Variants in LRFN2 observed in about 807,000 individuals in gnomAD.
LRFN2 encodes leucine-rich repeat and fibronectin type-III domain-containing protein 2.
A neutral mutation model predicts 37.3 loss-of-function variants in LRFN2; 18 were observed. The observed-to-expected ratio is 0.48, with a 90% confidence interval of 0.33 to 0.72. The LOEUF (loss-of-function observed/expected upper bound fraction) is 0.72. Among genes scored for constraint, LRFN2 ranks in the 30% least tolerant of loss-of-function variants. LRFN2 has a pLI of 0.02. For synonymous variants in LRFN2, 556 were observed against 466.6 expected (o/e 1.19, Z -2.47); for missense variants, 1,006 against 1,060.7 (o/e 0.95, Z 0.72).
chr6:40,396,275 C>G (rs1471873853), intron 2 of LRFN2, among the ~76,000 whole-genome samples: 1 of 152,014 alleles, frequency 6.6e-6, no homozygotes, highest in African/African-American at 2.4e-5. Flanking sequence ...GGAGGCCCAG[C>G]TAGTAAGTTG....
intron 1 of LRFN2, among the ~76,000 whole-genome samples, chr6:40,546,304 T>G (rs1766659396): frequency 6.6e-6 from 1 of 152,182 alleles, no homozygotes; most frequent in Admixed American, 6.5e-5. Context: ...GTCTGGCATG[T>G]TCCAAAAGTT....
chr6:40,413,184 C>T (rs758278804), intron 2 of LRFN2, among the ~76,000 whole-genome samples: 1 of 152,350 alleles, frequency 6.6e-6, no homozygotes, highest in African/African-American at 2.4e-5. Context: ...TATTCATACT[C>T]TGATATTTCA....
chr6:40,456,999 G>T lies in LRFN2; in HGVS notation c.-18-23868C>A, dbSNP rs9471348. On this transcript the variant is annotated intron_variant, in intron 1 of 2. Transcript: ENST00000338305. ...ATCTTTCAGCTCAGTGAAGGATAGG[G>T]GTGGTCACCATCCAATCCCCTCCAA... 6.2e-3 allele frequency among the ~76,000 whole-genome samples: 939 copies of T among 152,080 alleles called. 13 individuals are homozygous for T. Among genetic ancestry groups the T allele is most frequent in the African/African-American group, 0.022 (900 of 41,492 alleles).
intron 1 of LRFN2, among the ~76,000 whole-genome samples, chr6:40,514,513 C>T (rs1208937869): frequency 6.6e-6 from 1 of 151,930 alleles, no homozygotes; most frequent in Admixed American, 6.6e-5. Context: ...CAGGGTTTTG[C>T]CATGTTGACC....
chr6:40,586,148 A>G (rs923491633), intron 1 of LRFN2, among the ~76,000 whole-genome samples: 1 of 152,180 alleles, frequency 6.6e-6, no homozygotes, highest in Non-Finnish European at 1.5e-5. Flanking sequence ...GAAGACGAGT[A>G]GGACACCTCC....
chr6:40,502,117 C>A (rs772311768), intron 1 of LRFN2: 4 of 152,180 alleles, frequency 2.6e-5, no homozygotes, highest in Non-Finnish European at 4.4e-5. Flanking sequence ...GTTTAGAGCA[C>A]CCTGTCTTTG....
intron 1 of LRFN2, among the ~76,000 whole-genome samples, chr6:40,475,669 T>A (rs1196111709): frequency 6.6e-6 from 1 of 152,188 alleles, no homozygotes; most frequent in Non-Finnish European, 1.5e-5. Flanking sequence ...CAGCTGCTTT[T>A]AAAGCAATTT....
intron 1 of LRFN2, among the ~76,000 whole-genome samples, chr6:40,579,421 T>C (rs1288814926): frequency 6.6e-6 from 1 of 152,156 alleles, no homozygotes; most frequent in Non-Finnish European, 1.5e-5. Context: ...GGTAAGATGG[T>C]AAGATGTCAG....
intron 1 of LRFN2, among the ~76,000 whole-genome samples, chr6:40,512,966 G>A (rs998519068): frequency 3.3e-5 from 5 of 152,198 alleles, no homozygotes; most frequent in Non-Finnish European, 7.3e-5. Context: ...GCTCAGCCAA[G>A]GTGAGCCATG....
At chr6:40,555,853 C>T (rs1399618686) in intron 1 of LRFN2, among the ~76,000 whole-genome samples, 5 of 152,140 alleles carry the variant, frequency 3.3e-5, no homozygotes, top group Non-Finnish European at 7.3e-5. Flanking sequence ...CTCCCCACAC[C>T]GCTCTCTGAC....
chr6:40,463,605 T>A (rs995371561), intron 1 of LRFN2, among the ~76,000 whole-genome samples: 1 of 151,892 alleles, frequency 6.6e-6, no homozygotes, highest in African/African-American at 2.4e-5. Context: ...AAGTGAGCAG[T>A]GATACTTACT....
intron 2 of LRFN2, among the ~76,000 whole-genome samples, chr6:40,417,116 G>C (rs1232441925): frequency 6.6e-6 from 1 of 152,194 alleles, no homozygotes; most frequent in Non-Finnish European, 1.5e-5. Context: ...AATCTTCAAA[G>C]CCTCCCTGTT....
At chr6:40,504,136 G>A (rs577200964) in intron 1 of LRFN2, among the ~76,000 whole-genome samples, 5 of 152,270 alleles carry the variant, frequency 3.3e-5, no homozygotes, top group East Asian at 3.9e-4. Context: ...GAAGAGACCC[G>A]CCCAGAACCA....
At chr6:40,499,240 T>C (rs1335796956) in intron 1 of LRFN2, among the ~76,000 whole-genome samples, 1 of 152,160 alleles carries the variant, frequency 6.6e-6, no homozygotes, top group Non-Finnish European at 1.5e-5. Context: ...ACTGCCTGCA[T>C]CCTGGAGCCC....
In LRFN2 at chr6:40,392,199, C is replaced by T. The variant is rs762597625; in HGVS notation, c.2114G>A (p.Arg705Gln). The T allele has an allele frequency of 1.4e-5, 22 of 1,575,662 alleles. No individual in the cohort carries two copies. The East Asian group carries it at 2.5e-4, about 18-fold the overall frequency. The change falls in exon 3 of 3, where the codon CGG becomes CAG. Residue 705 changes from arginine to glutamine, a missense_variant. Transcript: ENST00000338305. This position sits in a 1 kb window ranked among gnomAD's most constrained non-coding sequence, Gnocchi z 4.7. ...CGGCAAGGGGAGCAGGCTCCTGGCCCGGGCCGCAGGGGGCCCCAGCAGTGG... is the reference window on the plus strand; with the variant it reads ...CGGCAAGGGGAGCAGGCTCCTGGCCTGGGCCGCAGGGGGCCCCAGCAGTGG... ...REPLLGPPAARARSLLPLPLE... is the reference protein window; with the variant it reads ...REPLLGPPAAQARSLLPLPLE...
chr6:40,411,326 G>A (rs1028118103), intron 2 of LRFN2, among the ~76,000 whole-genome samples: 7 of 152,212 alleles, frequency 4.6e-5, no homozygotes, highest in African/African-American at 1.7e-4. Flanking sequence ...AGGAGTAGGG[G>A]GGCTGTGTGA....
chr6:40,494,334 G>A (rs1765170362), intron 1 of LRFN2, among the ~76,000 whole-genome samples: 1 of 152,168 alleles, frequency 6.6e-6, no homozygotes, highest in South Asian at 2.1e-4. Flanking sequence ...AGGCTGCTCA[G>A]GGCGGAGGTG....
At chr6:40,479,744 G>T (rs932895308) in intron 1 of LRFN2, among the ~76,000 whole-genome samples, 2 of 152,266 alleles carry the variant, frequency 1.3e-5, no homozygotes, top group Middle Eastern at 3.4e-3. Context: ...TGGCTCCCCT[G>T]TCGTCACCAC....
intron 1 of LRFN2, among the ~76,000 whole-genome samples, chr6:40,578,032 C>T (rs1000017873): frequency 1.3e-5 from 2 of 152,024 alleles, no homozygotes; most frequent in African/African-American, 4.8e-5. Context: ...AGCACAGCCC[C>T]GCCCTCACAT....
Sources: allele counts gnomAD v4.1 joint callset (sites outside exome capture counted in the v4.1 genomes callset), GRCh38; gene constraint gnomAD v4.1.1; non-coding constraint Gnocchi (gnomAD v3.1); transcripts MANE v1.5; gene names NCBI Gene and HGNC (gene_info 2026-07-23, HGNC 2026-07-21).